METRNL: variants seen among roughly 807,000 people sequenced by gnomAD.
The protein encoded by METRNL is meteorin-like protein.
A neutral mutation model predicts 17.4 loss-of-function variants in METRNL; 9 were observed. That is an observed-to-expected ratio of 0.52 (90% CI 0.31 to 0.90). METRNL has a LOEUF of 0.90. METRNL is among the 40% of genes least tolerant of loss of function. The pLI is 0.05. For synonymous variants in METRNL, 215 were observed against 199.3 expected, an observed-to-expected ratio of 1.08 and a Z score of -0.66; for missense variants, 408 against 430.7, an observed-to-expected ratio of 0.95 and a Z score of 0.47.
In METRNL at chr17:83,079,703, C is replaced by T. The variant is rs868810415; in HGVS notation, c.-113C>T. The T allele has an allele frequency of 4.1e-3, 1,335 of 322,682 alleles. 6 individuals carry two copies. Among genetic ancestry groups the T allele is most frequent in the South Asian group, 9.7e-3 (85 of 8,798 alleles). 20.0% of individuals were successfully genotyped at this position (322,682 alleles called of 1,614,324 possible). A position where few individuals can be genotyped will look rare whatever the true frequency, so the allele number is the denominator to read the frequency against. Reference sequence around the variant, plus strand: ...CCGCGCGGAGGACGCGGGGGGCGCGCGACGTGACCACCCGGACTCGAAGCC... The same window carrying T: ...CCGCGCGGAGGACGCGGGGGGCGCGTGACGTGACCACCCGGACTCGAAGCC... On this transcript the variant is annotated 5_prime_UTR_variant, in exon 1 of 4. Coordinates refer to ENST00000320095, the MANE Select transcript of METRNL (RefSeq NM_001004431.3).
chr17:83,088,392 G>T (rs888919170), intron 2 of METRNL, among the ~76,000 whole-genome samples: 1 of 152,202 alleles, frequency 6.6e-6, no homozygotes. Flanking sequence ...GGGGCTGTCT[G>T]GTTCTGGGGT....
chr17:83,094,500 C>T lies in METRNL; in HGVS notation c.861C>T (p.Arg287=), dbSNP rs1157611933. ...AGGCGCGGCTCGGCTGTGCCCCACG[C>T]TTCAAGGACTTCCAGAGGATGTACA... The part of the protein sequence containing the change: ...FGEARLGCAP[R]FKDFQRMYRD... Residue 287 remains arginine (R), a synonymous_variant, in exon 4 of 4, where the codon CGC becomes CGT. Coordinates refer to ENST00000320095, the MANE Select transcript of METRNL (RefSeq NM_001004431.3). The T allele has an allele frequency of 1.1e-5, 17 of 1,562,716 alleles. No homozygotes were observed. The highest frequency in any genetic ancestry group is 1.4e-5 in the Non-Finnish European group (16 of 1,147,212).
At chr17:83,082,205 G>T in intron 1 of METRNL, 2 of 985,460 alleles carry the variant, frequency 2.0e-6, no homozygotes, top group Non-Finnish European at 2.4e-6. Context: ...CGCAGGTGCG[G>T]TCACACCTGG....
At chr17:83,080,036 T>C (rs2143601895) in intron 1 of METRNL, 51 bp downstream of exon 1, 1 of 952,154 alleles carries the variant, frequency 1.1e-6, no homozygotes, top group Non-Finnish European at 1.2e-6. Flanking sequence ...TCGCGTCCCC[T>C]CCCGTCCCGG....
At chr17:83,081,226 G>T (rs1434748202) in intron 1 of METRNL, among the ~76,000 whole-genome samples, 2 of 151,852 alleles carry the variant, frequency 1.3e-5, no homozygotes, top group African/African-American at 4.8e-5. Flanking sequence ...AGCCTCCGAG[G>T]CCGACGGCTC....
intron 1 of METRNL, among the ~76,000 whole-genome samples, chr17:83,081,730 C>T (rs2037991760): frequency 6.6e-6 from 1 of 152,196 alleles, no homozygotes; most frequent in South Asian, 2.1e-4. Context: ...CAGAGGGCAG[C>T]TGTGGGGGCT....
At chr17:83,092,228 G>A (rs2038146829) in intron 2 of METRNL, among the ~76,000 whole-genome samples, 1 of 152,236 alleles carries the variant, frequency 6.6e-6, no homozygotes, top group Non-Finnish European at 1.5e-5. Context: ...GGCATCCGGG[G>A]AAGGGGCCGG....
At chr17:83,090,203 C>CACA (rs1477773596) in intron 2 of METRNL, among the ~76,000 whole-genome samples, 5 of 96,952 alleles carry the variant, frequency 5.2e-5, no homozygotes, top group Non-Finnish European at 6.8e-5. Flanking sequence ...GAGCCACACA[C>CACA]CCCCGCCCCG....
intron 2 of METRNL, among the ~76,000 whole-genome samples, chr17:83,087,151 G>A (rs1442046043): frequency 6.6e-6 from 1 of 152,184 alleles, no homozygotes; most frequent in Non-Finnish European, 1.5e-5. Flanking sequence ...GCAGGTCTGT[G>A]GCCCCAGTAC....
chr17:83,080,277 C>T (rs1255840278), intron 1 of METRNL: 2 of 151,728 alleles, frequency 1.3e-5, no homozygotes, highest in Non-Finnish European at 2.9e-5. Context: ...CCGCCGGTCC[C>T]GCGACCCCAT....
At position 83,093,202 on chromosome 17, in the gene METRNL, C is replaced by G. The variant is rs150063319; in HGVS notation, c.592C>G (p.Leu198Val). 5 of 1,608,280 alleles carry G rather than the reference C, an allele frequency of 3.1e-6. No homozygotes were observed. The change falls in exon 3 of 4, where the codon CTA (leucine) becomes GTA (valine). Residue 198 changes from leucine (L) to valine (V), a missense_variant. Transcript: ENST00000320095. ...CRPCSDTEVL[L>V]AVCTSDFAVR... ...TCCCTGCAGTGACACCGAGGTGCTC[C>G]TAGCCGTCTGCACCAGCGACTTCGG... is the stretch of plus-strand genomic sequence containing the variant.
chr17:83,079,716 C>G lies in METRNL; in HGVS notation c.-100C>G. 4.7e-6 allele frequency: 2 copies of G among 421,198 alleles called. No individual in the cohort carries two copies. The highest frequency in any genetic ancestry group is 6.3e-6 in the Non-Finnish European group (2 of 318,196). 26.1% of individuals were successfully genotyped at this position (421,198 alleles called of 1,614,324 possible). A position where few individuals can be genotyped will look rare whatever the true frequency, so the allele number is the denominator to read the frequency against. On this transcript the variant is annotated 5_prime_UTR_variant, in exon 1 of 4. Coordinates refer to ENST00000320095, the MANE Select transcript of METRNL (RefSeq NM_001004431.3). ...GCGGGGGGCGCGCGACGTGACCACC[C>G]GGACTCGAAGCCCGCCCCGCCCCCG...
rs750964604 is a variant in METRNL at position 83,085,071 on chromosome 17, C to A, written c.304C>A (p.Arg102=). The change falls in exon 2 of 4, where the codon CGG becomes AGG. Residue 102 remains arginine (R), a synonymous_variant. Transcript: ENST00000320095. ...NLRPNTFSPA[R]HLTVCIRSFT... is the part of the protein sequence containing the mutation. ...GCGGCCCAACACCTTCTCGCCTGCC[C>A]GGCACCTGACCGTGTGCATCAGGTC... The A allele has an allele frequency of 2.2e-5, 36 of 1,613,774 alleles. No homozygotes were observed. Among genetic ancestry groups the A allele is most frequent in the Middle Eastern group, 3.3e-4 (2 of 6,084 alleles).
At position 83,084,986 on chromosome 17, in the gene METRNL, G is replaced by A; in HGVS notation, c.219G>A (p.Leu73=). The A allele has an allele frequency of 6.2e-7, 1 of 1,613,856 alleles. No individual in the cohort carries two copies. Among genetic ancestry groups the A allele is most frequent in the Non-Finnish European group, 8.5e-7 (1 of 1,180,000 alleles). The change falls in exon 2 of 4, where the codon CTG becomes CTA. Residue 73 remains leucine (L), a synonymous_variant. Transcript: ENST00000320095. ...AHRKEVEQVY[L]RCAAGAVEWM... ...GGAAGGAGGTGGAGCAGGTGTATCT[G>A]CGCTGTGCGGCGGGTGCCGTGGAGT...
At chr17:83,086,440 C>G (rs1451044871) in intron 2 of METRNL, among the ~76,000 whole-genome samples, 1 of 152,286 alleles carries the variant, frequency 6.6e-6, no homozygotes, top group African/African-American at 2.4e-5. Flanking sequence ...CTGGATAAAA[C>G]TTTAACCACG....
At chr17:83,093,037 A>G in intron 2 of METRNL, 130 bp from the exon 3 acceptor site, 1 of 704,570 alleles carries the variant, frequency 1.4e-6, no homozygotes, top group Admixed American at 2.2e-5. Context: ...CGTTGGTCAC[A>G]AAGGTGCCTT....
intron 2 of METRNL, among the ~76,000 whole-genome samples, chr17:83,086,326 C>T (rs934110848): frequency 6.6e-6 from 1 of 152,214 alleles, no homozygotes; most frequent in Non-Finnish European, 1.5e-5. Context: ...GTCCTGACTG[C>T]CCCGAGTCCC....
intron 1 of METRNL, among the ~76,000 whole-genome samples, chr17:83,081,685 A>AC (rs145606529): frequency 0.03 from 4,527 of 150,372 alleles, 148 homozygotes; most frequent in African/African-American, 0.083. Context: ...CACACAGGGG[A>AC]CCCCCCCCAA....
chr17:83,083,509 C>T (rs1180054702), intron 1 of METRNL, among the ~76,000 whole-genome samples: 1 of 152,212 alleles, frequency 6.6e-6, no homozygotes, highest in African/African-American at 2.4e-5. Context: ...ATCATCGTGC[C>T]CTTGCCCACA....
Sources: gnomAD v4.1 joint callset for allele counts (sites outside exome capture counted in the v4.1 genomes callset) on GRCh38, gnomAD v4.1.1 for gene constraint, MANE v1.5 for transcripts, NCBI Gene and HGNC (gene_info 2026-07-23, HGNC 2026-07-21) for gene names.